NCAM2: variants seen among roughly 807,000 people sequenced by gnomAD.
The protein encoded by NCAM2 is neural cell adhesion molecule 2.
NCAM2 carries 30 observed loss-of-function variants against 98.1 expected under a neutral mutation model. That is an observed-to-expected ratio of 0.31 (90% CI 0.23 to 0.41). The LOEUF (loss-of-function observed/expected upper bound fraction) is 0.41. NCAM2 is among the 10% of genes least tolerant of loss of function. The pLI, the probability that NCAM2 is intolerant of heterozygous loss-of-function variation, is 1.00. For missense variants in NCAM2, 867 were observed against 1,005.8 expected (o/e 0.86, Z 1.87); for synonymous variants, 368 against 342.4 (o/e 1.07, Z -0.83).
intron 12 of NCAM2, among the ~76,000 whole-genome samples, chr21:21,436,533 A>G (rs1238352873): frequency 6.6e-6 from 1 of 152,150 alleles, no homozygotes; most frequent in Non-Finnish European, 1.5e-5. Context: ...CTCTTACATT[A>G]TAACTCTGAA....
chr21:21,496,107 G>T (rs1057089515), intron 15 of NCAM2, among the ~76,000 whole-genome samples: 1 of 151,324 alleles, frequency 6.6e-6, no homozygotes, highest in Non-Finnish European at 1.5e-5. Context: ...TGGGTGGAAT[G>T]ATTTATATCT....
chr21:21,304,783 A>T (rs1331953432), intron 5 of NCAM2, among the ~76,000 whole-genome samples: 1 of 152,082 alleles, frequency 6.6e-6, no homozygotes, highest in Non-Finnish European at 1.5e-5. Context: ...CTGTATATTC[A>T]GGTCTCTTTA....
chr21:21,288,398 A>G (rs2073178015), intron 4 of NCAM2, among the ~76,000 whole-genome samples: 1 of 151,864 alleles, frequency 6.6e-6, no homozygotes, highest in Non-Finnish European at 1.5e-5. Flanking sequence ...TCTTGGAATC[A>G]GTTTTGCTAA....
chr21:21,069,815 C>A (rs56002140), intron 1 of NCAM2, among the ~76,000 whole-genome samples: 35,034 of 152,036 alleles, frequency 0.23, 4,779 homozygotes, highest in African/African-American at 0.37. Flanking sequence ...TACCTGGAAA[C>A]CTTTCCAATC....
intron 1 of NCAM2, among the ~76,000 whole-genome samples, chr21:21,158,534 G>A (rs1375086386): frequency 1.3e-5 from 2 of 152,040 alleles, no homozygotes; most frequent in East Asian, 3.9e-4. Flanking sequence ...GAACCCAAGA[G>A]GTGGAGGTTG....
At chr21:21,242,874 C>A (rs2071121733) in intron 1 of NCAM2, among the ~76,000 whole-genome samples, 1 of 151,852 alleles carries the variant, frequency 6.6e-6, no homozygotes, top group South Asian at 2.1e-4. Context: ...TTTGGAATTG[C>A]TATGAAGGGA....
At chr21:21,080,141 T>G (rs536647203) in intron 1 of NCAM2, among the ~76,000 whole-genome samples, 1 of 152,302 alleles carries the variant, frequency 6.6e-6, no homozygotes, top group Admixed American at 6.5e-5. Flanking sequence ...GATGGATATG[T>G]TGATTGCCGT....
chr21:21,230,938 A>T (rs1477702613), intron 1 of NCAM2, among the ~76,000 whole-genome samples: 1 of 151,344 alleles, frequency 6.6e-6, no homozygotes, highest in East Asian at 1.9e-4. Flanking sequence ...TATTATAGAA[A>T]GAGATAATGA....
chr21:21,474,183 A>G (rs958920644), intron 14 of NCAM2, among the ~76,000 whole-genome samples: 3 of 151,870 alleles, frequency 2.0e-5, no homozygotes, highest in Non-Finnish European at 4.4e-5. Flanking sequence ...TTTTTTTCCT[A>G]TTCCCTAGGA....
At chr21:21,165,865 A>T (rs534903024) in intron 1 of NCAM2, among the ~76,000 whole-genome samples, 4 of 152,238 alleles carry the variant, frequency 2.6e-5, no homozygotes, top group East Asian at 1.9e-4. Flanking sequence ...TCTGGGTTAT[A>T]AGTCATTTGG....
intron 5 of NCAM2, among the ~76,000 whole-genome samples, chr21:21,316,533 C>CTTTT (rs34341259): frequency 7.3e-4 from 81 of 110,888 alleles, no homozygotes; most frequent in Middle Eastern, 5.7e-3. Context: ...ATCTTTTATT[C>CTTTT]TTTTTTTTTT....
intron 1 of NCAM2, among the ~76,000 whole-genome samples, chr21:21,158,270 C>T (rs1449252593): frequency 6.6e-6 from 1 of 152,094 alleles, no homozygotes; most frequent in Non-Finnish European, 1.5e-5. Context: ...TACTTGAATA[C>T]AGCTAAATGT....
chr21:21,421,493 A>T (rs2077110657), intron 11 of NCAM2, among the ~76,000 whole-genome samples: 1 of 152,128 alleles, frequency 6.6e-6, no homozygotes, highest in Non-Finnish European at 1.5e-5. Context: ...TGTAATGAAG[A>T]TATAAAAATG....
At chr21:21,270,994 CTTTTGGACATCAATTAG>C (rs1159299105) in intron 1 of NCAM2, among the ~76,000 whole-genome samples, 2 of 151,488 alleles carry the variant, frequency 1.3e-5, no homozygotes, top group Non-Finnish European at 2.9e-5. Context: ...CAATTGGCCT[CTTTTGGACATCAATTAG>C]TTTTTCAGTA....
chr21:21,088,481 G>A (rs1799429212), intron 1 of NCAM2, among the ~76,000 whole-genome samples: 2 of 152,130 alleles, frequency 1.3e-5, no homozygotes, highest in African/African-American at 4.8e-5. Flanking sequence ...AAAACATGAT[G>A]CCAATTTTGT....
In NCAM2 at chr21:21,542,997, G is replaced by A. The variant is rs562840903; in HGVS notation, c.*5040G>A. 5.8e-5 allele frequency: 7 copies of A among 121,154 alleles called. No individual in the cohort carries two copies. Among genetic ancestry groups the A allele is most frequent in the African/African-American group, 2.6e-4 (7 of 26,432 alleles). The allele number at this position is 121,154 out of a possible 1,614,324, so 7.5% of individuals were successfully genotyped here. ...ACCCTGTTAGAAATATGTGAAGTTA[G>A]AAATAAAGGTTTTTTTAAAAAAAAA... On this transcript the variant is annotated 3_prime_UTR_variant, in exon 18 of 18. Coordinates refer to ENST00000400546, the MANE Select transcript of NCAM2 (RefSeq NM_004540.5).
intron 1 of NCAM2, among the ~76,000 whole-genome samples, chr21:21,247,257 T>G (rs1305360990): frequency 1.3e-5 from 2 of 152,100 alleles, no homozygotes; most frequent in African/African-American, 4.8e-5. Flanking sequence ...AGGCGGAGCT[T>G]GCAGTGAGTC....
intron 1 of NCAM2, among the ~76,000 whole-genome samples, chr21:21,244,976 A>T (rs1420931987): frequency 2.0e-5 from 3 of 152,180 alleles, no homozygotes; most frequent in African/African-American, 7.2e-5. Context: ...CAGAAGTCCG[A>T]ATTCTTCAAA....
At chr21:21,381,976 T>G (rs2076163061) in intron 9 of NCAM2, among the ~76,000 whole-genome samples, 1 of 152,148 alleles carries the variant, frequency 6.6e-6, no homozygotes, top group South Asian at 2.1e-4. Flanking sequence ...TTCTTTGCTC[T>G]TGAGAATTCT....
Sources: allele counts gnomAD v4.1 joint callset (sites outside exome capture counted in the v4.1 genomes callset), GRCh38; gene constraint gnomAD v4.1.1; transcripts MANE v1.5; gene names NCBI Gene and HGNC (gene_info 2026-07-23, HGNC 2026-07-21).